The following STIM2 variants were observed in gnomAD, a reference collection of about 807,000 sequenced individuals.
The protein encoded by STIM2 is stromal interaction molecule 2.
In STIM2, 31 loss-of-function variants were observed where a neutral mutation model predicts 85.8. The observed-to-expected ratio is 0.36, with a 90% confidence interval of 0.27 to 0.49. The LOEUF (loss-of-function observed/expected upper bound fraction) is 0.49. Among genes scored for constraint, STIM2 ranks in the 20% least tolerant of loss-of-function variants. The pLI is 0.98. For missense variants in STIM2, 841 were observed against 927.6 expected, an observed-to-expected ratio of 0.91 and a Z score of 1.21; for synonymous variants, 356 against 331.1, an observed-to-expected ratio of 1.08 and a Z score of -0.82.
At chr4:26,943,412 G>T (rs1577453288) in intron 2 of STIM2, among the ~76,000 whole-genome samples, 1 of 152,096 alleles carries the variant, frequency 6.6e-6, no homozygotes, top group South Asian at 2.1e-4. Flanking sequence ...TTCAGGCTAT[G>T]TTATCTTTTT....
chr4:26,996,454 A>G (rs1313449615), intron 4 of STIM2, among the ~76,000 whole-genome samples: 1 of 152,042 alleles, frequency 6.6e-6, no homozygotes, highest in Non-Finnish European at 1.5e-5. Context: ...GTCCCTAGTC[A>G]ACTTCCTTAC....
At chr4:27,019,182 C>T (rs1560242905) in intron 11 of STIM2, among the ~76,000 whole-genome samples, 1 of 152,144 alleles carries the variant, frequency 6.6e-6, no homozygotes, top group Non-Finnish European at 1.5e-5. Flanking sequence ...GTGGTCTACA[C>T]TCTTTATCAT....
At chr4:26,968,379 A>G (rs1048508738) in intron 3 of STIM2, among the ~76,000 whole-genome samples, 2 of 152,104 alleles carry the variant, frequency 1.3e-5, no homozygotes, top group African/African-American at 2.4e-5. Flanking sequence ...CACAACATGG[A>G]TAAACCTTGA....
chr4:27,020,398 C>T (rs780402903), intron 11 of STIM2, among the ~76,000 whole-genome samples: 1 of 152,194 alleles, frequency 6.6e-6, no homozygotes, highest in East Asian at 1.9e-4. Context: ...TGAGTCTGAT[C>T]ATTTCCTCAT....
rs543538478 is a variant in STIM2 at position 26,945,416 on chromosome 4, G to A, written c.283-12196G>A. Among the ~76,000 whole-genome samples the A allele has an allele frequency of 2.6e-5, 4 of 152,232 alleles. No homozygotes were observed. The East Asian group carries it at 7.7e-4, about 29-fold the overall frequency. Reference sequence around the variant, plus strand: ...TACTGCAGTGAACATACATATGCATGTGTCTTTATAATGATAGATATGATT... The same window carrying A: ...TACTGCAGTGAACATACATATGCATATGTCTTTATAATGATAGATATGATT... On this transcript the variant is annotated intron_variant, in intron 2 of 11. Coordinates refer to ENST00000467087, the MANE Select transcript of STIM2 (RefSeq NM_020860.4).
At chr4:26,955,103 G>T (rs1198025967) in intron 2 of STIM2, among the ~76,000 whole-genome samples, 1 of 145,666 alleles carries the variant, frequency 6.9e-6, no homozygotes, top group Admixed American at 6.7e-5. Context: ...ATTCTTAGGA[G>T]TTCTTTTATA....
At chr4:26,999,802 G>A (rs374383093) in intron 5 of STIM2, among the ~76,000 whole-genome samples, 12 of 152,270 alleles carry the variant, frequency 7.9e-5, no homozygotes, top group African/African-American at 2.6e-4. Flanking sequence ...CTCACTTGAA[G>A]CTTTATAAAT....
intron 3 of STIM2, among the ~76,000 whole-genome samples, chr4:26,981,124 A>G (rs1412002786): frequency 6.6e-6 from 1 of 152,210 alleles, no homozygotes; most frequent in African/African-American, 2.4e-5. Context: ...CCTGTATTCA[A>G]GTCTCTACAT....
intron 2 of STIM2, among the ~76,000 whole-genome samples, chr4:26,931,169 C>G (rs986245656): frequency 6.6e-6 from 1 of 152,244 alleles, no homozygotes; most frequent in East Asian, 1.9e-4. Context: ...GTTTCACTCT[C>G]TCAGAGTGAG....
chr4:26,999,081 A>G (rs991334814), intron 4 of STIM2, 151 bp from the exon 5 acceptor site: 58 of 290,028 alleles, frequency 2.0e-4, no homozygotes, highest in Non-Finnish European at 3.5e-4. Context: ...AACATGTAAC[A>G]AATTATTAAA....
chr4:26,877,075 T>C (rs935136478), intron 1 of STIM2, among the ~76,000 whole-genome samples: 2 of 152,182 alleles, frequency 1.3e-5, no homozygotes, highest in Admixed American at 1.3e-4. Context: ...CTATTATCTT[T>C]TCAGATAATT....
At chr4:26,878,905 C>G (rs896938652) in intron 1 of STIM2, among the ~76,000 whole-genome samples, 1 of 152,160 alleles carries the variant, frequency 6.6e-6, no homozygotes, top group Non-Finnish European at 1.5e-5. Flanking sequence ...ATGAGAACAG[C>G]ATGGGGGAAA....
intron 7 of STIM2, among the ~76,000 whole-genome samples, chr4:27,006,030 T>C (rs1728321880): frequency 6.6e-6 from 1 of 152,156 alleles, no homozygotes; most frequent in African/African-American, 2.4e-5. Context: ...GAGCTTAAAT[T>C]TTATCTCCCT....
At chr4:26,907,083 C>T (rs1015101039) in intron 1 of STIM2, among the ~76,000 whole-genome samples, 13 of 151,684 alleles carry the variant, frequency 8.6e-5, no homozygotes, top group Non-Finnish European at 1.6e-4. Flanking sequence ...GGAGTAAGTG[C>T]GGGTATCTTC....
rs62299301 is a variant in STIM2 at position 27,019,976 on chromosome 4, T to C, written c.1763+1992T>C. 6.8e-3 allele frequency among the ~76,000 whole-genome samples: 1,041 copies of C among 152,334 alleles called. 4 individuals are homozygous for C. The highest frequency in any genetic ancestry group is 0.012 in the Non-Finnish European group (846 of 68,030). On this transcript the variant is annotated intron_variant, in intron 11 of 11. Coordinates refer to ENST00000467087, the MANE Select transcript of STIM2 (RefSeq NM_020860.4). ...CTTTGGATTATTGTCATTACGCAAT[T>C]CAAATGTTAGAACTAGAAGGTAACA...
At chr4:27,013,153 C>A (rs1421246252) in intron 10 of STIM2, among the ~76,000 whole-genome samples, 1 of 151,386 alleles carries the variant, frequency 6.6e-6, no homozygotes, top group African/African-American at 2.4e-5. Context: ...AGAGTAGTCC[C>A]CCTCTGCCCA....
chr4:26,966,788 T>A (rs1020342290), intron 3 of STIM2, among the ~76,000 whole-genome samples: 51 of 152,110 alleles, frequency 3.4e-4, no homozygotes, highest in Non-Finnish European at 2.9e-5. Context: ...ACTTAGCATG[T>A]TTTTATATCT....
chr4:26,940,345 A>G (rs1725564919), intron 2 of STIM2, among the ~76,000 whole-genome samples: 1 of 152,132 alleles, frequency 6.6e-6, no homozygotes, highest in Non-Finnish European at 1.5e-5. Context: ...TTTAATGATC[A>G]CTTCTGCAAA....
At chr4:26,970,722 T>C (rs1375502912) in intron 3 of STIM2, among the ~76,000 whole-genome samples, 18 of 152,198 alleles carry the variant, frequency 1.2e-4, no homozygotes, top group Admixed American at 1.2e-3. Flanking sequence ...TGTGTCTTTA[T>C]AGTAGCATGA....
Sources: gnomAD v4.1 joint callset for allele counts (sites outside exome capture counted in the v4.1 genomes callset) on GRCh38, gnomAD v4.1.1 for gene constraint, MANE v1.5 for transcripts, NCBI Gene and HGNC (gene_info 2026-07-23, HGNC 2026-07-21) for gene names.